Variants in DHX8 observed in about 807,000 individuals in gnomAD.
DHX8 encodes ATP-dependent RNA helicase DHX8.
In DHX8, 67 loss-of-function variants were observed where a neutral mutation model predicts 140.7. The observed-to-expected ratio is 0.48, with a 90% CI of 0.39 to 0.58. The LOEUF (loss-of-function observed/expected upper bound fraction) is 0.58. Ranked by LOEUF, DHX8 falls within the 20% of genes least tolerant of loss-of-function variation. The pLI, the probability that DHX8 is intolerant of heterozygous loss-of-function variation, is 0.00. For synonymous variants in DHX8, 533 were observed against 553.2 expected, an observed-to-expected ratio of 0.96 and a Z score of 0.51; for missense variants, 887 against 1,550.7, an observed-to-expected ratio of 0.57 and a Z score of 7.19.
At position 43,520,117 on chromosome 17, in the gene DHX8, C is replaced by T. The variant is rs770612036; in HGVS notation, c.2800-13C>T. On this transcript the variant is annotated splice_polypyrimidine_tract_variant and intron_variant, in intron 18 of 22. Coordinates refer to ENST00000262415, the MANE Select transcript of DHX8 (RefSeq NM_004941.3). The stretch of plus-strand genomic sequence containing the variant: ...GACCCTCTTATCACATGCCTTCTTC[C>T]TTTCTGTTCTAGGCCATGGGTATCA... 2 of 1,613,996 alleles carry T rather than the reference C, an allele frequency of 1.2e-6. No individual in the cohort carries two copies. The highest frequency in any genetic ancestry group is 1.7e-5 in the Admixed American group (1 of 59,996).
intron 12 of DHX8, 68 bp from the exon 13 acceptor site, chr17:43,506,935 T>C (rs770856009): frequency 2.4e-6 from 3 of 1,226,800 alleles, no homozygotes; most frequent in African/African-American, 1.5e-5. Flanking sequence ...ATATTTATAT[T>C]CTGTTTAATG....
At chr17:43,539,024 C>T (rs76280498) in intron 3 of DHX8, among the ~76,000 whole-genome samples, 12,143 of 152,304 alleles carry the variant, frequency 0.08, 653 homozygotes, top group South Asian at 0.16. Flanking sequence ...ATTTCACCCA[C>T]GGCCTCTTAC....
chr17:43,538,307 AAAAT>A (rs553694623), intron 3 of DHX8, among the ~76,000 whole-genome samples: 9 of 152,286 alleles, frequency 5.9e-5, no homozygotes, highest in South Asian at 2.1e-4. Flanking sequence ...CTCCATCTCA[AAAAT>A]AAATAAATAA....
chr17:43,488,523 A>AT (rs1379626323), intron 1 of DHX8, among the ~76,000 whole-genome samples: 1 of 151,566 alleles, frequency 6.6e-6, no homozygotes, highest in Non-Finnish European at 1.5e-5. Flanking sequence ...AGGCAGGAGA[A>AT]TGGCGTGAAC....
In DHX8 at chr17:43,525,613, G is replaced by C; in HGVS notation, c.*1766G>C. 1 of 985,516 alleles carries C rather than the reference G, an allele frequency of 1.0e-6. No homozygotes were observed. The highest frequency in any genetic ancestry group is 1.2e-6 in the Non-Finnish European group (1 of 830,044). The allele number at this position is 985,516 out of a possible 1,614,324, so 61.0% of individuals were successfully genotyped here. A position where few individuals can be genotyped will look rare whatever the true frequency, so the allele number is the denominator to read the frequency against. ...GAAACCAAAGGGGAAACGGGGACTG[G>C]GCACCCACCTCCCCAATCTCGTTTT... On this transcript the variant is annotated 3_prime_UTR_variant, in exon 23 of 23. Transcript: ENST00000262415.
In DHX8 at chr17:43,525,467, G is replaced by T; in HGVS notation, c.*1620G>T. On this transcript the variant is annotated 3_prime_UTR_variant, in exon 23 of 23. Transcript: ENST00000262415. Reference sequence around the variant, plus strand: ...TCCCTGCCCCTTCATTAAGCTGAGTGCCTCCTGATTCTGTCTGAGTATTCG... The same window carrying T: ...TCCCTGCCCCTTCATTAAGCTGAGTTCCTCCTGATTCTGTCTGAGTATTCG... 1 of 985,360 alleles carries T rather than the reference G, an allele frequency of 1.0e-6. No individual in the cohort carries two copies. Among genetic ancestry groups the T allele is most frequent in the Non-Finnish European group, 1.2e-6 (1 of 829,876 alleles). The allele number at this position is 985,360 out of a possible 1,614,324, so 61.0% of individuals were successfully genotyped here.
chr17:43,530,499 G>T, downstream of DHX8: 1 of 1,207,002 alleles, frequency 8.3e-7, no homozygotes, highest in Non-Finnish European at 1.1e-6. Flanking sequence ...GGAGGAGGGA[G>T]GGTGAGATGA....
chr17:43,508,096 T>A (rs1969593638), intron 15 of DHX8, 77 bp downstream of exon 15: 1 of 1,391,332 alleles, frequency 7.2e-7, no homozygotes, highest in African/African-American at 1.5e-5. Flanking sequence ...TATGGGTATC[T>A]TTTTTGCTAA....
At chr17:43,536,426 G>C (rs748834394) in exon 3 of DHX8, 2 of 1,613,884 alleles carry the variant, frequency 1.2e-6, no homozygotes, top group Non-Finnish European at 1.7e-6. Context: ...CTCTACTCAC[G>C]GTTTTCTGAA....
intron 19 of DHX8, 21 bp from the exon 20 acceptor site, chr17:43,520,730 A>G: frequency 6.2e-7 from 1 of 1,613,882 alleles, no homozygotes; most frequent in Non-Finnish European, 8.5e-7. Context: ...AAGCAGTTGT[A>G]GTCTTTTTTT....
intron 9 of DHX8, 38 bp downstream of exon 9, chr17:43,496,306 G>A (rs1368759106): frequency 6.7e-7 from 1 of 1,486,432 alleles, no homozygotes; most frequent in Non-Finnish European, 9.4e-7. Flanking sequence ...TAATTGGCAA[G>A]TTGAGCCATT....
rs375854454 is a variant in DHX8 at position 43,492,092 on chromosome 17, A to G, written c.394-91A>G. 4.7e-4 allele frequency: 403 copies of G among 853,878 alleles called. 5 individuals are homozygous for G. In the South Asian group the frequency reaches 5.3e-3, roughly 11 times the overall value. The allele number at this position is 853,878 out of a possible 1,614,324, so 52.9% of individuals were successfully genotyped here. ...TCTGCCCCTCTTCTATTTCCCTCAC[A>G]TAGTGATTAGTGATTTATAGATGTA... On this transcript the variant is annotated intron_variant, in intron 4 of 22. Coordinates refer to ENST00000262415, the MANE Select transcript of DHX8 (RefSeq NM_004941.3).
At chr17:43,535,731 A>G (rs764472624) in intron 2 of DHX8, among the ~76,000 whole-genome samples, 5 of 152,156 alleles carry the variant, frequency 3.3e-5, no homozygotes, top group Non-Finnish European at 5.9e-5. Flanking sequence ...CCCCACCCTC[A>G]ACTGTGACAA....
downstream of DHX8, chr17:43,529,469 T>C (rs377294765): frequency 2.7e-5 from 42 of 1,578,966 alleles, no homozygotes; most frequent in African/African-American, 5.6e-4. Flanking sequence ...CTGTAAACTT[T>C]GGAAAGGAGG....
chr17:43,531,376 C>T (rs921662029), downstream of DHX8, among the ~76,000 whole-genome samples: 5 of 152,200 alleles, frequency 3.3e-5, no homozygotes, highest in African/African-American at 1.2e-4. Flanking sequence ...GAGTGCATCT[C>T]ACTCCAGTCA....
At chr17:43,544,728 T>C, downstream of DHX8, 1 of 443,872 alleles carries the variant, frequency 2.3e-6, no homozygotes, top group Non-Finnish European at 4.1e-6. Flanking sequence ...CACACAATGG[T>C]CTGATTCATC....
At chr17:43,528,134 C>T (rs771214543), downstream of DHX8, 22 of 241,440 alleles carry the variant, frequency 9.1e-5, no homozygotes, top group South Asian at 1.7e-4. Context: ...ATCTGGGGAG[C>T]TCAGTGAACC....
At chr17:43,504,249 G>A (rs1360119979) in intron 11 of DHX8, among the ~76,000 whole-genome samples, 3 of 151,844 alleles carry the variant, frequency 2.0e-5, no homozygotes, top group African/African-American at 7.3e-5. Flanking sequence ...AGACCAGCCT[G>A]GCAACATAGA....
chr17:43,526,852 C>T (rs1426530743), downstream of DHX8: 2 of 464,430 alleles, frequency 4.3e-6, no homozygotes, highest in East Asian at 5.1e-5. Context: ...TTTTGTGTTT[C>T]TAGGAAGAAG....
Sources: gnomAD v4.1 joint callset for allele counts (sites outside exome capture counted in the v4.1 genomes callset) on GRCh38, gnomAD v4.1.1 for gene constraint, MANE v1.5 for transcripts, NCBI Gene and HGNC (gene_info 2026-07-23, HGNC 2026-07-21) for gene names.